Variants in SLC15A1 observed in about 807,000 individuals in gnomAD.
SLC15A1 encodes the protein solute carrier family 15 member 1, also known as Caco-2 oligopeptide transporter.
A neutral mutation model predicts 92.9 loss-of-function variants in SLC15A1; 83 were observed. That is an observed-to-expected ratio of 0.89 (90% confidence interval 0.75 to 1.07). The LOEUF is 1.07. Ranked by LOEUF, SLC15A1 falls within the 50% of genes least tolerant of loss-of-function variation. The pLI is 0.00. For missense variants in SLC15A1, 857 were observed against 880.1 expected, an observed-to-expected ratio of 0.97 and a Z score of 0.33; for synonymous variants, 322 against 318.2, an observed-to-expected ratio of 1.01 and a Z score of -0.13.
chr13:98,720,509 G>C (rs2088248399), intron 7 of SLC15A1: 1 of 153,064 alleles, frequency 6.5e-6, no homozygotes, highest in Non-Finnish European at 1.5e-5. Context: ...AAACCACTAT[G>C]CTGTGGAAGA....
At chr13:98,751,538 G>T (rs1395295814) in intron 1 of SLC15A1, among the ~76,000 whole-genome samples, 1 of 152,248 alleles carries the variant, frequency 6.6e-6, no homozygotes, top group Admixed American at 6.5e-5. Context: ...GAATCTGCCT[G>T]CAGAGCTGAG....
At chr13:98,702,623 T>TGACA (rs2088077219) in intron 17 of SLC15A1, 94 bp from the exon 18 acceptor site, 4 of 1,045,940 alleles carry the variant, frequency 3.8e-6, no homozygotes, top group Admixed American at 1.8e-5. Context: ...AAGGTGGTAT[T>TGACA]GACACTTATC....
chr13:98,703,539 C>CTTTTTTT lies in SLC15A1; in HGVS notation c.1416+743_1416+749dup, dbSNP rs771426478. Among the ~76,000 whole-genome samples, 39 of 85,530 alleles carry CTTTTTTT rather than the reference C, an allele frequency of 4.6e-4. 1 individual carries two copies. Among genetic ancestry groups the CTTTTTTT allele is most frequent in the African/African-American group, 7.9e-4 (12 of 15,196 alleles). The allele number at this position is 85,530 out of a possible 152,430, so 56.1% of individuals were successfully genotyped here. Reference sequence around the variant, plus strand: ...TATACCTTTGTAGCTGCTGCTGCTGCTTTTTTTTTTTTTTTTTTTTTTTTT... The same window carrying CTTTTTTT: ...TATACCTTTGTAGCTGCTGCTGCTGCTTTTTTTTTTTTTTTTTTTTTTTTTTTTTTTT... On this transcript the variant is annotated intron_variant, in intron 17 of 22. Transcript: ENST00000376503.
chr13:98,715,518 G>A (rs981376241), intron 9 of SLC15A1, among the ~76,000 whole-genome samples: 56 of 152,170 alleles, frequency 3.7e-4, no homozygotes, highest in African/African-American at 1.4e-3. Context: ...CTGACTTGAA[G>A]CAACTGAACA....
chr13:98,737,421 A>C (rs2088403671), intron 1 of SLC15A1, among the ~76,000 whole-genome samples: 1 of 152,230 alleles, frequency 6.6e-6, no homozygotes, highest in Non-Finnish European at 1.5e-5. Flanking sequence ...GCAGCAAACC[A>C]ACATGGCACA....
chr13:98,715,144 A>C (rs915760412), intron 9 of SLC15A1, among the ~76,000 whole-genome samples: 1 of 152,160 alleles, frequency 6.6e-6, no homozygotes, highest in African/African-American at 2.4e-5. Flanking sequence ...TTTGTACATG[A>C]GTCTGTGTTC....
At chr13:98,716,717 G>T (rs923755555) in intron 8 of SLC15A1, among the ~76,000 whole-genome samples, 1 of 152,122 alleles carries the variant, frequency 6.6e-6, no homozygotes, top group Non-Finnish European at 1.5e-5. Context: ...CAGGAAAAAA[G>T]AATTAATCTT....
At chr13:98,734,296 C>T (rs1004513918) in intron 1 of SLC15A1, among the ~76,000 whole-genome samples, 6 of 152,160 alleles carry the variant, frequency 3.9e-5, no homozygotes, top group African/African-American at 7.2e-5. Context: ...TATGTATCAT[C>T]GATATAGCTC....
At chr13:98,730,607 T>C (rs570368942) in intron 1 of SLC15A1, among the ~76,000 whole-genome samples, 2 of 152,338 alleles carry the variant, frequency 1.3e-5, no homozygotes, top group Admixed American at 1.3e-4. Context: ...GAGGATGACC[T>C]CCGCCCTGCG....
At position 98,686,274 on chromosome 13, in the gene SLC15A1, C is replaced by T; in HGVS notation, c.1851G>A (p.Val617=). 1 of 1,612,318 alleles carries T rather than the reference C, an allele frequency of 6.2e-7. No individual in the cohort carries two copies. The highest frequency in any genetic ancestry group is 8.5e-7 in the Non-Finnish European group (1 of 1,179,252). Residue 617 remains valine (V), a synonymous_variant, in exon 22 of 23, where the codon GTG becomes GTA. Transcript: ENST00000376503. ...CGGTCAGCAGCCATCCTGCCTGAAGCACCGACTTCATGTTGGAAGGAGCCT... is the reference window on the plus strand; with the variant it reads ...CGGTCAGCAGCCATCCTGCCTGAAGTACCGACTTCATGTTGGAAGGAGCCT... ...YSQAPSNMKS[V]LQAGWLLTVA...
At chr13:98,741,076 C>G (rs1317446563) in intron 1 of SLC15A1, among the ~76,000 whole-genome samples, 1 of 152,144 alleles carries the variant, frequency 6.6e-6, no homozygotes, top group Admixed American at 6.6e-5. Context: ...CTTGTCCACC[C>G]AGCATTCTGG....
At chr13:98,703,322 C>G (rs1243599706) in intron 17 of SLC15A1, among the ~76,000 whole-genome samples, 3 of 152,126 alleles carry the variant, frequency 2.0e-5, no homozygotes, top group Non-Finnish European at 4.4e-5. Flanking sequence ...TGAGCCTCTA[C>G]AATTTTTGAT....
At chr13:98,728,064 C>A (rs1248363926) in intron 1 of SLC15A1, among the ~76,000 whole-genome samples, 1 of 152,242 alleles carries the variant, frequency 6.6e-6, no homozygotes, top group African/African-American at 2.4e-5. Flanking sequence ...GGTGCTGCCA[C>A]TGGTCCAGGC....
chr13:98,684,844 G>T lies in SLC15A1; in HGVS notation c.2007C>A (p.Phe669Leu). Residue 669 changes from phenylalanine to leucine, a missense_variant, in exon 23 of 23, where the codon TTC (phenylalanine) becomes TTA (leucine). Transcript: ENST00000376503. ...VCVIFAIMAR[F>L]YTYINPAEIE... ...TCTCCGCTGGGTTGATGTAAGTATA[G>T]AACCGAGCCATGATGGCAAAAATTA... The T allele has an allele frequency of 6.2e-7, 1 of 1,614,072 alleles. No individual in the cohort carries two copies. Among genetic ancestry groups the T allele is most frequent in the Non-Finnish European group, 8.5e-7 (1 of 1,180,000 alleles).
intron 18 of SLC15A1, among the ~76,000 whole-genome samples, chr13:98,693,410 T>C (rs915495610): frequency 2.0e-5 from 3 of 152,310 alleles, no homozygotes; most frequent in Non-Finnish European, 1.5e-5. Context: ...TTGCCTATCT[T>C]TTTGATCAGA....
intron 15 of SLC15A1, among the ~76,000 whole-genome samples, chr13:98,706,702 T>A (rs557646167): frequency 6.6e-6 from 1 of 152,318 alleles, no homozygotes; most frequent in South Asian, 2.1e-4. Context: ...GCCATGACTG[T>A]GACGCTTCCC....
chr13:98,726,517 C>A, intron 2 of SLC15A1, 68 bp from the exon 3 acceptor site: 1 of 1,442,154 alleles, frequency 6.9e-7, no homozygotes, highest in South Asian at 1.2e-5. Context: ...CAAAGGAGCA[C>A]CAGTGGCATG....
At position 98,746,060 on chromosome 13, in the gene SLC15A1, G is replaced by T. The variant is rs574593964; in HGVS notation, c.4+6535C>A. On this transcript the variant is annotated intron_variant, in intron 1 of 22. Transcript: ENST00000376503. ...TACCCTCAAGTAGGCCCCAGTATGT[G>T]TTGTTCCCCTCTGTGTCTTTGTGTT... Among the ~76,000 whole-genome samples, 29 of 152,198 alleles carry T rather than the reference G, an allele frequency of 1.9e-4. No homozygotes were observed. In the South Asian group the frequency reaches 5.6e-3, roughly 29 times the overall value.
intron 18 of SLC15A1, among the ~76,000 whole-genome samples, chr13:98,694,350 T>A (rs537988323): frequency 2.6e-5 from 4 of 152,242 alleles, no homozygotes; most frequent in Non-Finnish European, 4.4e-5. Flanking sequence ...CACTAATGAT[T>A]TCTGTACCAC....
Sources: allele counts gnomAD v4.1 joint callset (sites outside exome capture counted in the v4.1 genomes callset), GRCh38; gene constraint gnomAD v4.1.1; transcripts MANE v1.5; gene names NCBI Gene and HGNC (gene_info 2026-07-23, HGNC 2026-07-21).